The following DHX37 variants were observed in gnomAD, a reference collection of about 807,000 sequenced individuals.
The protein encoded by DHX37 is probable ATP-dependent RNA helicase DHX37.
In DHX37, 52 loss-of-function variants were observed where a neutral mutation model predicts 134.3. That is an observed-to-expected ratio of 0.39 (90% CI 0.31 to 0.49). The LOEUF is 0.49. Ranked by LOEUF, DHX37 falls within the 20% of genes least tolerant of loss-of-function variation. The probability of loss-of-function intolerance (pLI) is 0.93; values close to 1 mark genes in which losing one functional copy is unlikely to be tolerated. For missense variants in DHX37, 1,344 were observed against 1,580.8 expected (o/e 0.85, Z 2.54); for synonymous variants, 634 against 670.7 (o/e 0.95, Z 0.85).
At position 124,965,715 on chromosome 12, in the gene DHX37, A is replaced by G. The variant is rs930190072; in HGVS notation, c.1688T>C (p.Leu563Pro). ...CAGGTCCAGATCGAGGTCGGAGTCCAGGGCCCCCTCTTCCTCATCCACTTC... is the reference window on the plus strand; with the variant it reads ...CAGGTCCAGATCGAGGTCGGAGTCCGGGGCCCCCTCTTCCTCATCCACTTC... ...EAEVDEEEGA[L>P]DSDLDLDLGD... is the part of the protein sequence containing the mutation. The change falls in exon 13 of 27, where the codon CTG (leucine) becomes CCG (proline). Residue 563 changes from leucine (L) to proline (P), a missense_variant. Leu to Pro is a moderately conservative substitution (Grantham distance 98, BLOSUM62 -3). Around this residue, in one of 7 missense-constraint regions of DHX37, gnomAD observed 289 missense variants for 323.8 expected, o/e 0.89. Coordinates refer to ENST00000308736, the MANE Select transcript of DHX37 (RefSeq NM_032656.4). The G allele has an allele frequency of 9.3e-6, 15 of 1,613,828 alleles. No individual in the cohort carries two copies. The highest frequency in any genetic ancestry group is 2.2e-5 in the East Asian group (1 of 44,872).
intron 20 of DHX37, chr12:124,952,961 CT>C: frequency 6.4e-6 from 1 of 155,074 alleles, no homozygotes; most frequent in Non-Finnish European, 1.4e-5. Context: ...TCATCCTTCC[CT>C]TCTCTTGCCT....
chr12:124,953,891 A>T lies in DHX37; in HGVS notation c.2684T>A (p.Leu895Gln). The change falls in exon 20 of 27, where the codon CTG (leucine) becomes CAG (glutamine). Residue 895 changes from leucine to glutamine, a missense_variant. This residue lies in a region of DHX37 where 558 missense variants were observed against 650.0 expected (regional missense o/e 0.86). Coordinates refer to ENST00000308736, the MANE Select transcript of DHX37 (RefSeq NM_032656.4). ...GCACGGGGCCGTACCTGCGGTGGTC[A>T]GCTGGCCCCGCAGGCGCCGGATCTC... ...MMEIRRLRGQ[L>Q]TTAVNAVCPE... 2 of 1,611,466 alleles carry T rather than the reference A, an allele frequency of 1.2e-6. No individual in the cohort carries two copies. The highest frequency in any genetic ancestry group is 1.7e-6 in the Non-Finnish European group (2 of 1,179,254).
chr12:124,969,720 C>CA (rs1335738828), intron 8 of DHX37, among the ~76,000 whole-genome samples: 2 of 152,036 alleles, frequency 1.3e-5, no homozygotes, highest in African/African-American at 2.4e-5. Context: ...GAAGCTCTGA[C>CA]ACTGCTGGTG....
rs1953889498 is a variant in DHX37 at position 124,946,950 on chromosome 12, CAG to C, written c.*850_*851del. Reference sequence around the variant, plus strand: ...ACATCTGTGCCCTCACCATGGAGGACAGAAGGCAGGGGCCTCCCGACTCCTTG... The same window carrying C: ...ACATCTGTGCCCTCACCATGGAGGACAAGGCAGGGGCCTCCCGACTCCTTG... On this transcript the variant is annotated 3_prime_UTR_variant, in exon 27 of 27. Coordinates refer to ENST00000308736, the MANE Select transcript of DHX37 (RefSeq NM_032656.4). 6.6e-6 allele frequency: 1 copy of C among 152,272 alleles called. No individual in the cohort carries two copies. The highest frequency in any genetic ancestry group is 6.5e-5 in the Admixed American group (1 of 15,284). The allele number at this position is 152,272 out of a possible 1,614,324, so 9.4% of individuals were successfully genotyped here. A position where few individuals can be genotyped will look rare whatever the true frequency, so the allele number is the denominator to read the frequency against.
chr12:124,965,274 G>T (rs75203512), intron 13 of DHX37, among the ~76,000 whole-genome samples: 1 of 152,288 alleles, frequency 6.6e-6, no homozygotes, highest in East Asian at 1.9e-4. Flanking sequence ...ATGGATCCCG[G>T]GAGCCTGACT....
chr12:124,951,959 G>A lies in DHX37; in HGVS notation c.2868+439C>T, dbSNP rs538543956. Among the ~76,000 whole-genome samples the A allele has an allele frequency of 5.9e-5, 9 of 152,232 alleles. No individual in the cohort carries two copies. The East Asian group carries it at 1.7e-3, about 29-fold the overall frequency. On this transcript the variant is annotated intron_variant, in intron 21 of 26. Coordinates refer to ENST00000308736, the MANE Select transcript of DHX37 (RefSeq NM_032656.4). ...TATACTCTAATCTGGGCAACAGAGT[G>A]AGGCTCTGTCTCAAAAAAGAAAACA...
intron 6 of DHX37, among the ~76,000 whole-genome samples, chr12:124,973,319 G>A (rs994537956): frequency 6.6e-5 from 10 of 150,914 alleles, no homozygotes; most frequent in Non-Finnish European, 8.8e-5. Flanking sequence ...CAGGAGAATC[G>A]TTTGAACCCA....
In DHX37 at chr12:124,966,779, AG is replaced by A. The variant is rs1275725512; in HGVS notation, c.1590+13del. 2.5e-6 allele frequency: 4 copies of A among 1,614,108 alleles called. No individual in the cohort carries two copies. The highest frequency in any genetic ancestry group is 3.4e-6 in the Non-Finnish European group (4 of 1,179,922). On this transcript the variant is annotated intron_variant, in intron 12 of 26. Transcript: ENST00000308736. Reference sequence around the variant, plus strand: ...GCCTTACTCTCCAGGAGTCCCTGCCAGCCCCCCACGTACCTCAGCCCGCGCC... The same window carrying A: ...GCCTTACTCTCCAGGAGTCCCTGCCACCCCCCACGTACCTCAGCCCGCGCC...
chr12:124,984,913 T>G (rs975062378), intron 2 of DHX37, among the ~76,000 whole-genome samples: 1 of 152,118 alleles, frequency 6.6e-6, no homozygotes, highest in Non-Finnish European at 1.5e-5. Flanking sequence ...GATCTCAAGA[T>G]GAGATGATCC....
In DHX37 at chr12:124,957,127, G is replaced by A; in HGVS notation, c.2166C>T (p.Asn722=). The A allele has an allele frequency of 6.7e-7, 1 of 1,499,414 alleles. No homozygotes were observed. Among genetic ancestry groups the A allele is most frequent in the Non-Finnish European group, 8.9e-7 (1 of 1,126,962 alleles). 92.9% of individuals were successfully genotyped at this position (1,499,414 alleles called of 1,614,324 possible). The stretch of plus-strand genomic sequence containing the variant: ...CGGAGGGGGGCGTCGGGAAGGGGAA[G>A]TTGATGACCTGGGACACAAGGAGAC... The part of the protein sequence containing the change: ...MKALNVEKVI[N]FPFPTPPSVE... Residue 722 remains asparagine, a synonymous_variant, in exon 17 of 27, where the codon AAC becomes AAT. Coordinates refer to ENST00000308736, the MANE Select transcript of DHX37 (RefSeq NM_032656.4).
At chr12:124,972,663 A>T in intron 6 of DHX37, 64 bp from the exon 7 acceptor site, 4 of 1,535,894 alleles carry the variant, frequency 2.6e-6, no homozygotes, top group Middle Eastern at 1.7e-4. Flanking sequence ...CCACGGGGCC[A>T]CTACAAGGCA....
In DHX37 at chr12:124,988,935, C is replaced by CG. The variant is rs1954925007; in HGVS notation, c.87dup (p.Val30ArgfsTer15). The CG allele has an allele frequency of 1.5e-6, 2 of 1,335,210 alleles. No homozygotes were observed. The highest frequency in any genetic ancestry group is 9.7e-7 in the Non-Finnish European group (1 of 1,033,198). 82.7% of individuals were successfully genotyped at this position (1,335,210 alleles called of 1,614,324 possible). A position where few individuals can be genotyped will look rare whatever the true frequency, so the allele number is the denominator to read the frequency against. ...GTCTTACCCTCCAGTTCCAGCTGCA[C>CG]GGGGGGCGGCTCGGGGGGGCCCTTC... On this transcript the variant is annotated frameshift_variant, in exon 1 of 27. Coordinates refer to ENST00000308736, the MANE Select transcript of DHX37 (RefSeq NM_032656.4). LOFTEE classifies it high-confidence loss of function.
chr12:124,950,801 G>T lies in DHX37; in HGVS notation c.2872C>A (p.Pro958Thr). The change falls in exon 22 of 27, where the codon CCT becomes ACT. Residue 958 changes from proline to threonine, a missense_variant. By Grantham distance (38) the Pro-to-Thr change is conservative. Around this residue, in one of 7 missense-constraint regions of DHX37, gnomAD observed 558 missense variants for 650.0 expected, o/e 0.86. Transcript: ENST00000308736. ...EDKWRNAYKTPLLDDPVFIHP... is the reference protein window; with the variant it reads ...EDKWRNAYKTTLLDDPVFIHP... ...ATGAAGACAGGGTCGTCGAGGAGAG[G>T]GGTCTGCAGAGAATGGAGAGTGATG... The T allele has an allele frequency of 6.2e-7, 1 of 1,603,082 alleles. No homozygotes were observed. Among genetic ancestry groups the T allele is most frequent in the South Asian group, 1.1e-5 (1 of 89,612 alleles).
intron 6 of DHX37, among the ~76,000 whole-genome samples, chr12:124,975,189 C>T (rs1306211897): frequency 2.0e-5 from 3 of 152,208 alleles, no homozygotes; most frequent in Non-Finnish European, 2.9e-5. Flanking sequence ...CTGGATGGGC[C>T]ACTCTGTCCC....
In DHX37 at chr12:124,964,982, G is replaced by A. The variant is rs778589419; in HGVS notation, c.1760C>T (p.Pro587Leu). ...DGGEQPDASL[P>L]LHVLPLYSLL... ...AGAGTACAGCGGGAGCACGTGGAGC[G>A]GGAGGGAGGCATCCGGCTGCTCACC... The change falls in exon 14 of 27, where the codon CCG becomes CTG. Residue 587 changes from proline (P) to leucine (L), a missense_variant. By Grantham distance (98) the Pro-to-Leu change is moderately conservative (BLOSUM62 -3). Transcript: ENST00000308736. The A allele has an allele frequency of 1.4e-5, 22 of 1,598,874 alleles. No individual in the cohort carries two copies. The highest frequency in any genetic ancestry group is 1.1e-4 in the African/African-American group (8 of 75,016).
chr12:124,957,008 C>G, intron 17 of DHX37, 21 bp downstream of exon 17: 1 of 1,522,702 alleles, frequency 6.6e-7, no homozygotes, highest in Non-Finnish European at 8.8e-7. Flanking sequence ...AGGAACTGGG[C>G]TCTGCATCTC....
chr12:124,973,410 GA>G lies in DHX37; in HGVS notation c.981-812del, dbSNP rs1164339877. Among the ~76,000 whole-genome samples the G allele has an allele frequency of 4.8e-3, 493 of 103,640 alleles. 1 individual carries two copies. The highest frequency in any genetic ancestry group is 0.015 in the Admixed American group (136 of 9,168). The allele number at this position is 103,640 out of a possible 152,430, so 68.0% of individuals were successfully genotyped here. ...CAAAGTGAAACTCCGTCTCAAAAAA[GA>G]AAAAAAAAAAATTAGTTCTTATCTC... On this transcript the variant is annotated intron_variant, in intron 6 of 26. Coordinates refer to ENST00000308736, the MANE Select transcript of DHX37 (RefSeq NM_032656.4).
chr12:124,969,854 G>A (rs1327308965), intron 8 of DHX37, among the ~76,000 whole-genome samples: 4 of 152,032 alleles, frequency 2.6e-5, no homozygotes, highest in South Asian at 2.1e-4. Context: ...CCAGAAGGTC[G>A]GGGTTGCAGT....
Position 124,980,684 on chromosome 12 carries a change from C to T in DHX37, c.544G>A (p.Asp182Asn). The change falls in exon 4 of 27, where the codon GAC becomes AAC. Residue 182 changes from aspartate (D) to asparagine (N), a missense_variant. Around this residue, in one of 7 missense-constraint regions of DHX37, gnomAD observed 319 missense variants for 296.1 expected, o/e 1.08. Transcript: ENST00000308736. The surrounding 1 kb of genome is among the most constrained non-coding windows in gnomAD (Gnocchi z 5.3). ...ELEEESELDE[D>N]PAAEPAEAGV... ...GCCTCAGCCGGCTCAGCAGCTGGGT[C>T]CTCGTCCAGCTCCGACTCCTCCTCC... 1 of 1,586,226 alleles carries T rather than the reference C, an allele frequency of 6.3e-7. No homozygotes were observed. Among genetic ancestry groups the T allele is most frequent in the Non-Finnish European group, 8.6e-7 (1 of 1,167,800 alleles).
Sources: gnomAD v4.1 joint callset for allele counts (sites outside exome capture counted in the v4.1 genomes callset) on GRCh38, gnomAD v4.1.1 for gene constraint, gnomAD v4.1.1 regional missense constraint, Gnocchi (gnomAD v3.1) non-coding constraint, MANE v1.5 for transcripts, NCBI Gene and HGNC (gene_info 2026-07-23, HGNC 2026-07-21) for gene names.